RYR3: variants seen among roughly 807,000 people sequenced by gnomAD.
RYR3 encodes the protein ryanodine receptor 3, also known as brain ryanodine receptor-calcium release channel.
Under a neutral mutation model 584.3 loss-of-function variants are expected in RYR3, and 207 were observed. The ratio of observed to expected loss-of-function variants is 0.35; its 90% CI spans 0.32 to 0.40. The LOEUF is 0.40. Ranked by LOEUF, RYR3 falls within the 10% of genes least tolerant of loss-of-function variation. The probability of loss-of-function intolerance (pLI) is 1.00; values close to 1 mark genes in which losing one functional copy is unlikely to be tolerated. For missense variants in RYR3, 5,616 were observed against 6,089.2 expected (o/e 0.92, Z 2.59); for synonymous variants, 2,416 against 2,248.5 (o/e 1.07, Z -2.11).
chr15:33,623,759 C>CA (rs1445242530), intron 19 of RYR3, 48 bp from the exon 20 acceptor site: 1 of 1,314,068 alleles, frequency 7.6e-7, no homozygotes, highest in Non-Finnish European at 1.1e-6. Context: ...ATTTGGGCTG[C>CA]ATTGTTTTTT....
At chr15:33,616,144 AC>A (rs1483125385) in intron 19 of RYR3, among the ~76,000 whole-genome samples, 1 of 152,176 alleles carries the variant, frequency 6.6e-6, no homozygotes, top group Non-Finnish European at 1.5e-5. Context: ...AAGGGAGTAC[AC>A]CTATTTCACA....
intron 18 of RYR3, among the ~76,000 whole-genome samples, chr15:33,605,358 C>G (rs891521781): frequency 6.6e-6 from 1 of 152,184 alleles, no homozygotes; most frequent in Non-Finnish European, 1.5e-5. Flanking sequence ...CCCATCCTCT[C>G]CCTCATCCCT....
At chr15:33,565,152 A>G (rs2057639518) in intron 11 of RYR3, among the ~76,000 whole-genome samples, 1 of 152,180 alleles carries the variant, frequency 6.6e-6, no homozygotes. Context: ...GTTCATAACA[A>G]CATTCTAACA....
At chr15:33,603,893 A>G (rs1430841488) in intron 18 of RYR3, among the ~76,000 whole-genome samples, 3 of 152,238 alleles carry the variant, frequency 2.0e-5, no homozygotes, top group Non-Finnish European at 4.4e-5. Context: ...GTCTGGATCC[A>G]TGCCTAACAC....
intron 50 of RYR3, among the ~76,000 whole-genome samples, chr15:33,739,385 C>A (rs967357295): frequency 2.0e-5 from 3 of 152,120 alleles, no homozygotes; most frequent in Non-Finnish European, 2.9e-5. Context: ...GGATATTGAG[C>A]AGCCTGCTGA....
At chr15:33,826,013 G>A (rs1056756062) in intron 82 of RYR3, among the ~76,000 whole-genome samples, 15 of 152,082 alleles carry the variant, frequency 9.9e-5, no homozygotes, top group African/African-American at 3.6e-4. Context: ...GGAATTACAG[G>A]CGTGAGCCAC....
chr15:33,636,127 C>A (rs2061485766), intron 26 of RYR3, among the ~76,000 whole-genome samples: 1 of 152,156 alleles, frequency 6.6e-6, no homozygotes, highest in Non-Finnish European at 1.5e-5. Context: ...GGAAATCTTA[C>A]CAGTTTTCCC....
Position 33,689,333 on chromosome 15 carries a change from C to T in RYR3, c.5861-6885C>T, listed in dbSNP as rs907380556. Among the ~76,000 whole-genome samples the T allele has an allele frequency of 3.9e-5, 6 of 152,122 alleles. No individual in the cohort carries two copies. In the East Asian group the frequency reaches 7.7e-4, roughly 20 times the overall value. On this transcript the variant is annotated intron_variant, in intron 38 of 103. Transcript: ENST00000634891. ...CATGTATACCTATGTATCAAACCTG[C>T]ATGTTATGCACATGTACCCTATAAC...
Position 33,662,678 on chromosome 15 carries a change from G to A in RYR3, c.5148G>A (p.Gly1716=), listed in dbSNP as rs368394901. Residue 1716 remains glycine (G), a synonymous_variant, in exon 35 of 104, where the codon GGG becomes GGA. Transcript: ENST00000634891. ...CCCACATCCGAGACCCTGTAGGGGG[G>A]TCTGTGGAGTTCCAGTTTGTGCCTG... ...SGAHIRDPVG[G]SVEFQFVPVL... is the part of the protein sequence containing the mutation. The A allele has an allele frequency of 2.5e-4, 398 of 1,614,196 alleles. 1 individual carries two copies. In the Middle Eastern group the frequency reaches 4.6e-3, roughly 19 times the overall value.
Position 33,802,014 on chromosome 15 carries a change from G to A in RYR3, c.10011+53G>A, listed in dbSNP as rs2075944093. ...ACTCTTCAACCCTAACCTCAGCCAT[G>A]ACTTGGATCTGTTTCATACTTTCTG... is the stretch of plus-strand genomic sequence containing the variant. On this transcript the variant is annotated intron_variant, in intron 69 of 103. Coordinates refer to ENST00000634891, the MANE Select transcript of RYR3 (RefSeq NM_001036.6). 21 of 1,061,964 alleles carry A rather than the reference G, an allele frequency of 2.0e-5. No homozygotes were observed. The South Asian group carries it at 2.6e-4, about 13-fold the overall frequency. 65.8% of individuals were successfully genotyped at this position (1,061,964 alleles called of 1,614,324 possible). A position where few individuals can be genotyped will look rare whatever the true frequency, so the allele number is the denominator to read the frequency against.
intron 42 of RYR3, 31 bp from the exon 43 acceptor site, chr15:33,706,888 C>G: frequency 6.4e-7 from 1 of 1,565,538 alleles, no homozygotes; most frequent in Non-Finnish European, 8.7e-7. Flanking sequence ...CTAATGCGTG[C>G]GAAAGAACAC....
At chr15:33,632,441 C>T (rs1164860106) in intron 23 of RYR3, among the ~76,000 whole-genome samples, 1 of 152,238 alleles carries the variant, frequency 6.6e-6, no homozygotes, top group African/African-American at 2.4e-5. Context: ...GCTAAGATCA[C>T]TTTAAGTTCA....
At chr15:33,789,621 A>AT (rs199709045) in intron 67 of RYR3, among the ~76,000 whole-genome samples, 1 of 30,092 alleles carries the variant, frequency 3.3e-5, no homozygotes, top group Non-Finnish European at 6.3e-5. Context: ...ACCAGGTTTT[A>AT]TTTTATATAT....
intron 72 of RYR3, 42 bp downstream of exon 72, chr15:33,811,079 C>G: frequency 6.5e-7 from 1 of 1,531,018 alleles, no homozygotes; most frequent in Non-Finnish European, 9.0e-7. Context: ...ACCGGCTTTC[C>G]TTCTGGCTGC....
At chr15:33,405,787 C>G (rs2042978839) in intron 1 of RYR3, among the ~76,000 whole-genome samples, 1 of 152,190 alleles carries the variant, frequency 6.6e-6, no homozygotes, top group Admixed American at 6.5e-5. Context: ...CCCAGTTAAT[C>G]TAACGATTTA....
At chr15:33,744,958 T>C (rs1490123725) in intron 52 of RYR3, among the ~76,000 whole-genome samples, 1 of 152,126 alleles carries the variant, frequency 6.6e-6, no homozygotes, top group East Asian at 1.9e-4. Flanking sequence ...GACAATAGTG[T>C]AGAAAATGAA....
intron 102 of RYR3, among the ~76,000 whole-genome samples, chr15:33,863,053 T>C (rs995895159): frequency 6.6e-6 from 1 of 152,252 alleles, no homozygotes; most frequent in African/African-American, 2.4e-5. Flanking sequence ...CCATGGGTTA[T>C]AGACCAGTGG....
At chr15:33,784,922 C>CTTTA (rs112046644) in intron 65 of RYR3, among the ~76,000 whole-genome samples, 7 of 152,266 alleles carry the variant, frequency 4.6e-5, no homozygotes, top group African/African-American at 1.2e-4. Context: ...TCTGTTGATA[C>CTTTA]TTTAGCCTGT....
At chr15:33,359,588 G>C (rs1974460715) in intron 1 of RYR3, among the ~76,000 whole-genome samples, 1 of 148,036 alleles carries the variant, frequency 6.8e-6, no homozygotes, top group Non-Finnish European at 1.5e-5. Context: ...GGCCTTCCCT[G>C]ACCCCTTATT....
Sources: gnomAD v4.1 joint callset for allele counts (sites outside exome capture counted in the v4.1 genomes callset) on GRCh38, gnomAD v4.1.1 for gene constraint, MANE v1.5 for transcripts, NCBI Gene and HGNC (gene_info 2026-07-23, HGNC 2026-07-21) for gene names.